Variants in ANO5 observed in about 807,000 individuals in gnomAD.
ANO5 encodes the protein anoctamin 5, also known as anoctamin-5.
A neutral mutation model predicts 121.0 loss-of-function variants in ANO5; 109 were observed. The observed-to-expected ratio is 0.90, with a 90% CI of 0.77 to 1.06. The LOEUF (loss-of-function observed/expected upper bound fraction) is 1.06, where lower values mean the gene tolerates loss of function less well. ANO5 is among the 50% of genes least tolerant of loss of function. The pLI is 0.00. For missense variants in ANO5, 1,064 were observed against 1,078.5 expected (o/e 0.99, Z 0.19); for synonymous variants, 406 against 359.9 (o/e 1.13, Z -1.45).
chr11:22,241,602 T>G (rs1186212034), intron 9 of ANO5, among the ~76,000 whole-genome samples: 3 of 152,112 alleles, frequency 2.0e-5, no homozygotes, highest in Non-Finnish European at 4.4e-5. Flanking sequence ...TGGTATGAGA[T>G]GTTATCTGAT....
chr11:22,220,081 C>T (rs949164874), intron 4 of ANO5, among the ~76,000 whole-genome samples: 1 of 151,776 alleles, frequency 6.6e-6, no homozygotes, highest in Admixed American at 6.6e-5. Flanking sequence ...CATCCATTCC[C>T]TTTTCTGGGA....
intron 8 of ANO5, among the ~76,000 whole-genome samples, chr11:22,236,775 T>C (rs1370450364): frequency 6.6e-6 from 1 of 152,176 alleles, no homozygotes; most frequent in Non-Finnish European, 1.5e-5. Flanking sequence ...CTCCTAGAAA[T>C]AAAGCATGTG....
chr11:22,229,049 C>T (rs143780266), intron 7 of ANO5, among the ~76,000 whole-genome samples: 3 of 151,836 alleles, frequency 2.0e-5, no homozygotes, highest in South Asian at 2.1e-4. Context: ...TTTTGAGGAC[C>T]GTCCATATTG....
intron 1 of ANO5, among the ~76,000 whole-genome samples, chr11:22,194,559 C>T (rs972148266): frequency 6.6e-6 from 1 of 152,096 alleles, no homozygotes; most frequent in East Asian, 1.9e-4. Flanking sequence ...AATTTTAGAA[C>T]ACTTTCATCA....
intron 8 of ANO5, 128 bp from the exon 9 acceptor site, chr11:22,239,440 GA>G: frequency 1.5e-6 from 1 of 686,626 alleles, no homozygotes; most frequent in Non-Finnish European, 2.6e-6. Flanking sequence ...CACATCAATT[GA>G]ATATGAAATC....
At chr11:22,270,172 C>G in intron 17 of ANO5, 140 bp from the exon 18 acceptor site, 1 of 1,108,994 alleles carries the variant, frequency 9.0e-7, no homozygotes, top group Non-Finnish European at 1.3e-6. Context: ...TGCGCTTTGG[C>G]TGGTGTCATT....
intron 3 of ANO5, among the ~76,000 whole-genome samples, chr11:22,212,162 G>T (rs1006136090): frequency 6.6e-6 from 1 of 151,622 alleles, no homozygotes; most frequent in Non-Finnish European, 1.5e-5. Flanking sequence ...ATTTTACCAC[G>T]AGAACACATT....
At chr11:22,278,848 C>G (rs1854967219) in intron 21 of ANO5, among the ~76,000 whole-genome samples, 1 of 150,860 alleles carries the variant, frequency 6.6e-6, no homozygotes, top group Non-Finnish European at 1.5e-5. Flanking sequence ...GGCTATGTAT[C>G]TCACAGTTCA....
At chr11:22,203,517 G>C (rs1356412158) in intron 1 of ANO5, among the ~76,000 whole-genome samples, 1 of 152,030 alleles carries the variant, frequency 6.6e-6, no homozygotes, top group Admixed American at 6.6e-5. Flanking sequence ...TGTGGTTATA[G>C]GTTGATAACC....
intron 1 of ANO5, among the ~76,000 whole-genome samples, chr11:22,195,709 G>T (rs929453329): frequency 5.9e-5 from 9 of 152,122 alleles, no homozygotes; most frequent in African/African-American, 2.2e-4. Context: ...TGGGATTACA[G>T]ATGTGAGCCA....
At chr11:22,198,063 G>A (rs1564906745) in intron 1 of ANO5, among the ~76,000 whole-genome samples, 1 of 152,198 alleles carries the variant, frequency 6.6e-6, no homozygotes, top group South Asian at 2.1e-4. Context: ...GCATACATGT[G>A]AGAGAGCTAG....
At chr11:22,276,223 C>G in intron 21 of ANO5, 24 bp downstream of exon 21, 2 of 1,541,452 alleles carry the variant, frequency 1.3e-6, no homozygotes, top group Non-Finnish European at 1.8e-6. Flanking sequence ...AACTTTCATT[C>G]GAGTTACTCT....
chr11:22,237,753 A>C (rs1203151621), intron 8 of ANO5, among the ~76,000 whole-genome samples: 2 of 152,204 alleles, frequency 1.3e-5, no homozygotes, highest in Non-Finnish European at 2.9e-5. Flanking sequence ...CAATTTAGTA[A>C]CTTAAGTATT....
chr11:22,205,179 C>G (rs1432779161), intron 2 of ANO5, among the ~76,000 whole-genome samples: 1 of 152,032 alleles, frequency 6.6e-6, no homozygotes, highest in Non-Finnish European at 1.5e-5. Context: ...GGAAACATCA[C>G]ACGCTGGGGC....
chr11:22,203,543 A>G (rs139317578), intron 1 of ANO5, among the ~76,000 whole-genome samples: 3 of 152,274 alleles, frequency 2.0e-5, no homozygotes, highest in Non-Finnish European at 2.9e-5. Flanking sequence ...GATCAGAGTT[A>G]AGTTTATTTC....
intron 6 of ANO5, 57 bp downstream of exon 6, chr11:22,226,109 A>C: frequency 7.0e-7 from 1 of 1,424,812 alleles, no homozygotes; most frequent in Admixed American, 1.7e-5. Context: ...GTTTTCTCCT[A>C]CTCTGGCCTT....
rs12574168 is a variant in ANO5 at position 22,259,802 on chromosome 11, T to G, written c.1630+61T>G. ...ATGATTCTTATTGATGCTATATGTC[T>G]ATTTTGGATCAGGTCTCCAGGAGTT... On this transcript the variant is annotated intron_variant, in intron 15 of 21. Transcript: ENST00000324559. The G allele has an allele frequency of 0.015, 22,577 of 1,490,218 alleles. 1,256 individuals carry two copies. The East Asian group carries it at 0.19, about 13-fold the overall frequency. 92.3% of individuals were successfully genotyped at this position (1,490,218 alleles called of 1,614,324 possible). A position where few individuals can be genotyped will look rare whatever the true frequency, so the allele number is the denominator to read the frequency against.
chr11:22,211,498 C>G (rs1852275644), intron 3 of ANO5, among the ~76,000 whole-genome samples, 184 bp downstream of exon 3: 1 of 151,806 alleles, frequency 6.6e-6, no homozygotes, highest in Admixed American at 6.6e-5. Context: ...ACACATCAGA[C>G]ATATCAGTGA....
At chr11:22,225,033 A>G (rs1329439589) in intron 5 of ANO5, among the ~76,000 whole-genome samples, 1 of 152,064 alleles carries the variant, frequency 6.6e-6, no homozygotes, top group African/African-American at 2.4e-5. Context: ...AAGGGGGAAA[A>G]ACAATATAAT....
Sources: allele counts gnomAD v4.1 joint callset (sites outside exome capture counted in the v4.1 genomes callset), GRCh38; gene constraint gnomAD v4.1.1; transcripts MANE v1.5; gene names NCBI Gene and HGNC (gene_info 2026-07-23, HGNC 2026-07-21).